PPP1R9A: variants seen among roughly 807,000 people sequenced by gnomAD.
PPP1R9A encodes the protein neurabin-1.
PPP1R9A carries 59 observed loss-of-function variants against 141.9 expected under a neutral mutation model. The observed-to-expected ratio is 0.42, with a 90% CI of 0.34 to 0.52. The LOEUF (loss-of-function observed/expected upper bound fraction) is 0.52. PPP1R9A is among the 20% of genes least tolerant of loss of function. PPP1R9A has a pLI of 0.10. For missense variants in PPP1R9A, 1,444 were observed against 1,611.9 expected, an observed-to-expected ratio of 0.90 and a Z score of 1.78; for synonymous variants, 500 against 569.7, an observed-to-expected ratio of 0.88 and a Z score of 1.74.
chr7:95,089,731 T>C (rs1334642635), intron 2 of PPP1R9A, among the ~76,000 whole-genome samples: 3 of 151,868 alleles, frequency 2.0e-5, no homozygotes, highest in Non-Finnish European at 2.9e-5. Context: ...GTTTTTTTTT[T>C]TCTGAATTAA....
chr7:95,216,408 C>T (rs1793429635), intron 7 of PPP1R9A, among the ~76,000 whole-genome samples: 1 of 152,144 alleles, frequency 6.6e-6, no homozygotes, highest in African/African-American at 2.4e-5. Context: ...ATGATGCCTC[C>T]AGCTTTCTTC....
At chr7:95,048,087 G>A (rs562677697) in intron 2 of PPP1R9A, among the ~76,000 whole-genome samples, 21 of 152,230 alleles carry the variant, frequency 1.4e-4, no homozygotes, top group Admixed American at 3.9e-4. Context: ...CTAATTTTAT[G>A]TAAAATGAAA....
intron 2 of PPP1R9A, among the ~76,000 whole-genome samples, chr7:94,991,750 C>T (rs1404516668): frequency 6.6e-6 from 1 of 152,074 alleles, no homozygotes; most frequent in African/African-American, 2.4e-5. Context: ...TTTCTGGGCT[C>T]CAGTGATCCT....
intron 3 of PPP1R9A, among the ~76,000 whole-genome samples, chr7:95,114,867 G>C (rs1821196831): frequency 7.0e-6 from 1 of 142,998 alleles, no homozygotes; most frequent in Non-Finnish European, 1.5e-5. Context: ...ATCGTGGAAA[G>C]GATTAAACTT....
At chr7:95,278,685 A>C (rs913690447) in intron 16 of PPP1R9A, among the ~76,000 whole-genome samples, 7 of 152,208 alleles carry the variant, frequency 4.6e-5, no homozygotes, top group African/African-American at 7.2e-5. Flanking sequence ...TTAAAAAGTA[A>C]ATTGAATAGG....
At chr7:95,025,138 C>T (rs1055298622) in intron 2 of PPP1R9A, among the ~76,000 whole-genome samples, 10 of 152,002 alleles carry the variant, frequency 6.6e-5, no homozygotes, top group African/African-American at 2.4e-4. Context: ...ATGATCTCAG[C>T]TCACTGCAAC....
chr7:95,046,225 T>G (rs1334297081), intron 2 of PPP1R9A, among the ~76,000 whole-genome samples: 1 of 151,594 alleles, frequency 6.6e-6, no homozygotes, highest in African/African-American at 2.4e-5. Context: ...ATTACAGGAG[T>G]ATGTGCCACC....
Position 95,115,614 on chromosome 7 carries a change from T to C in PPP1R9A, c.1528+4223T>C, listed in dbSNP as rs148686576. Among the ~76,000 whole-genome samples the C allele has an allele frequency of 1.3e-3, 202 of 152,114 alleles. 3 individuals carry two copies. In the East Asian group the frequency reaches 0.017, roughly 13 times the overall value. ...ATGCTAAATGAAATAAAATATCAAA[T>C]ATAGAAATAGTTGAAGAGAAAAGGC... On this transcript the variant is annotated intron_variant, in intron 3 of 19. Coordinates refer to ENST00000433360, the MANE Select transcript of PPP1R9A (RefSeq NM_001166160.2).
intron 16 of PPP1R9A, among the ~76,000 whole-genome samples, chr7:95,281,042 G>A (rs1466162104): frequency 6.6e-6 from 1 of 152,204 alleles, no homozygotes; most frequent in Non-Finnish European, 1.5e-5. Flanking sequence ...CTGCTAAGCT[G>A]ATAGGTCTGT....
intron 2 of PPP1R9A, among the ~76,000 whole-genome samples, chr7:95,102,550 A>G (rs1818926427): frequency 6.6e-6 from 1 of 152,220 alleles, no homozygotes; most frequent in Non-Finnish European, 1.5e-5. Flanking sequence ...GTGGCAGCAC[A>G]AGTTCTCATT....
At chr7:95,233,370 G>A (rs561384821) in intron 8 of PPP1R9A, among the ~76,000 whole-genome samples, 3 of 152,022 alleles carry the variant, frequency 2.0e-5, no homozygotes, top group Non-Finnish European at 4.4e-5. Context: ...GGCCTGTCAG[G>A]GGGTGGGGGG....
At chr7:95,035,840 C>T (rs76437287) in intron 2 of PPP1R9A, 1 of 152,094 alleles carries the variant, frequency 6.6e-6, no homozygotes, top group Non-Finnish European at 1.5e-5. Flanking sequence ...TTTTCTTCTT[C>T]TTATTTTCTG....
At chr7:95,164,188 A>G (rs1243710911) in intron 5 of PPP1R9A, among the ~76,000 whole-genome samples, 1 of 152,164 alleles carries the variant, frequency 6.6e-6, no homozygotes, top group African/African-American at 2.4e-5. Context: ...TTGTATTCCT[A>G]TCAGCAATGA....
chr7:95,181,506 G>GAGAATATATATATTCCATCATATATATAT (rs1563370548), intron 5 of PPP1R9A, among the ~76,000 whole-genome samples: 138 of 133,706 alleles, frequency 1.0e-3, no homozygotes, highest in African/African-American at 3.7e-3. Context: ...AATATATATA[G>GAGAATATATATATTCCATCATATATATAT]AGAATATATA....
At chr7:95,114,125 A>G (rs896651495) in intron 3 of PPP1R9A, among the ~76,000 whole-genome samples, 1 of 152,166 alleles carries the variant, frequency 6.6e-6, no homozygotes, top group African/African-American at 2.4e-5. Context: ...ATATTCATCA[A>G]TGGTAGAAAG....
intron 2 of PPP1R9A, among the ~76,000 whole-genome samples, chr7:95,088,337 A>G (rs1044663854): frequency 4.6e-5 from 7 of 151,978 alleles, no homozygotes; most frequent in Admixed American, 1.3e-4. Flanking sequence ...TTTAAAATAT[A>G]TGGTGGTACC....
rs539495778 is a variant in PPP1R9A, at chr7:95,006,386, T to A, written c.1395+94878T>A. On this transcript the variant is annotated intron_variant, in intron 2 of 19. Transcript: ENST00000433360. ...GCATGCATCACCAGACCCGGCTAATTTTTGTTATTTTTAGTAGAGACAGGG... is the reference window on the plus strand; with the variant it reads ...GCATGCATCACCAGACCCGGCTAATATTTGTTATTTTTAGTAGAGACAGGG... 1.9e-3 allele frequency among the ~76,000 whole-genome samples: 289 copies of A among 151,850 alleles called. 2 individuals carry two copies. Among genetic ancestry groups the A allele is most frequent in the African/African-American group, 6.5e-3 (270 of 41,384 alleles).
chr7:94,968,233 C>T (rs999668552), intron 2 of PPP1R9A, among the ~76,000 whole-genome samples: 18 of 151,684 alleles, frequency 1.2e-4, no homozygotes, highest in South Asian at 2.1e-4. Context: ...AGTGCAGTGG[C>T]GGGATCTCGG....
At chr7:95,245,396 CT>C (rs1324026314) in intron 8 of PPP1R9A, among the ~76,000 whole-genome samples, 1 of 152,062 alleles carries the variant, frequency 6.6e-6, no homozygotes, top group Admixed American at 6.6e-5. Context: ...GGTTTTAGTT[CT>C]GGTTTTAATG....
Sources: allele counts gnomAD v4.1 joint callset (sites outside exome capture counted in the v4.1 genomes callset), GRCh38; gene constraint gnomAD v4.1.1; transcripts MANE v1.5; gene names NCBI Gene and HGNC (gene_info 2026-07-23, HGNC 2026-07-21).